The following CNR2 variants were observed in gnomAD, a reference collection of about 807,000 sequenced individuals.
CNR2 encodes cannabinoid receptor 2, also known as cannabinoid receptor 2 (macrophage).
For synonymous variants in CNR2, 172 were observed against 182.2 expected, an observed-to-expected ratio of 0.94 and a Z score of 0.45; for missense variants, 379 against 439.9, an observed-to-expected ratio of 0.86 and a Z score of 1.24.
At chr1:23,900,931 G>C (rs1557533244) in intron 1 of CNR2, among the ~76,000 whole-genome samples, 1 of 152,076 alleles carries the variant, frequency 6.6e-6, no homozygotes, top group Non-Finnish European at 1.5e-5. Context: ...TTGAGTAATA[G>C]GACACTAGAA....
chr1:23,900,216 C>T (rs1050852818), intron 1 of CNR2, among the ~76,000 whole-genome samples: 2 of 152,076 alleles, frequency 1.3e-5, no homozygotes, highest in South Asian at 4.1e-4. Context: ...CCTGTGATTT[C>T]ATCCCTGGCC....
At chr1:23,888,789 G>A (rs544289372) in intron 1 of CNR2, among the ~76,000 whole-genome samples, 26 of 152,092 alleles carry the variant, frequency 1.7e-4, no homozygotes, top group South Asian at 6.2e-4. Flanking sequence ...TGGCCAACAC[G>A]GTGAAACCCT....
chr1:23,902,788 CGCGGGCGCGGGCGCGGGG>C, intron 1 of CNR2: 4 of 1,422,706 alleles, frequency 2.8e-6, no homozygotes, highest in Non-Finnish European at 3.7e-6. Flanking sequence ...GTGTGGGCTG[CGCGGGCGCGGGCGCGGGG>C]GCGCGGTGCA....
At chr1:23,909,550 CT>C (rs1640550328) in intron 1 of CNR2, among the ~76,000 whole-genome samples, 4 of 152,130 alleles carry the variant, frequency 2.6e-5, no homozygotes, top group Non-Finnish European at 5.9e-5. Flanking sequence ...CAGGGAAGGT[CT>C]GTCAGAGATC....
intron 1 of CNR2, among the ~76,000 whole-genome samples, chr1:23,880,454 A>G (rs543580726): frequency 9.4e-4 from 143 of 152,196 alleles, no homozygotes; most frequent in Non-Finnish European, 1.2e-3. Flanking sequence ...GATTACAGGC[A>G]TGAGCCACTG....
Position 23,874,244 on chromosome 1 carries a change from G to A in CNR2, c.*291C>T, listed in dbSNP as rs559635272. 1.0e-5 allele frequency: 3 copies of A among 294,246 alleles called. No individual in the cohort carries two copies. The South Asian group carries it at 2.2e-4, about 21-fold the overall frequency. 18.2% of individuals were successfully genotyped at this position (294,246 alleles called of 1,614,324 possible). Reference sequence around the variant, plus strand: ...CTCGCTTTGGCTCCTGTGGTCTCTGGAGGATGCAGGCATGAAGCCTGACCT... The same window carrying A: ...CTCGCTTTGGCTCCTGTGGTCTCTGAAGGATGCAGGCATGAAGCCTGACCT... On this transcript the variant is annotated 3_prime_UTR_variant, in exon 2 of 2. Transcript: ENST00000374472.
intron 1 of CNR2, among the ~76,000 whole-genome samples, chr1:23,895,747 C>T (rs1640270669): frequency 6.6e-6 from 1 of 152,094 alleles, no homozygotes; most frequent in African/African-American, 2.4e-5. Context: ...TCTTGATCCG[C>T]CCTCCTCGGC....
At chr1:23,907,013 CTT>C (rs1157855946) in intron 1 of CNR2, 8 of 151,866 alleles carry the variant, frequency 5.3e-5, no homozygotes, top group African/African-American at 1.9e-4. Context: ...ATCTTTCTCT[CTT>C]CTTACCAACC....
At position 23,875,111 on chromosome 1, in the gene CNR2, G is replaced by A. The variant is rs369616011; in HGVS notation, c.507C>T (p.Leu169=). Residue 169 remains leucine, a synonymous_variant, in exon 2 of 2, where the codon CTC becomes CTT. Coordinates refer to ENST00000374472, the MANE Select transcript of CNR2 (RefSeq NM_001841.3). Reference sequence around the variant, plus strand: ...GCCTGGGACAGCAAGTCCATCCCATGAGGGGCAGGTAGGAGACTAGTGCTG... The same window carrying A: ...GCCTGGGACAGCAAGTCCATCCCATAAGGGGCAGGTAGGAGACTAGTGCTG... ...VLSALVSYLP[L]MGWTCCPRPC... is the part of the protein sequence containing the mutation. 4.4e-6 allele frequency: 7 copies of A among 1,603,844 alleles called. No individual in the cohort carries two copies. The African/African-American group carries it at 8.0e-5, about 18-fold the overall frequency.
chr1:23,907,442 G>C (rs1252812903), intron 1 of CNR2, among the ~76,000 whole-genome samples: 2 of 148,472 alleles, frequency 1.3e-5, no homozygotes, highest in African/African-American at 2.5e-5. Flanking sequence ...GAAAAAAGAA[G>C]AATCTTGAAG....
At chr1:23,892,897 T>C (rs1379409135) in intron 1 of CNR2, among the ~76,000 whole-genome samples, 2 of 151,752 alleles carry the variant, frequency 1.3e-5, no homozygotes, top group Admixed American at 6.6e-5. Flanking sequence ...GTGCCTGTAA[T>C]CCCAGCTACT....
In CNR2 at chr1:23,872,832, C is replaced by G. The variant is rs1289878576; in HGVS notation, c.*1703G>C. 6.6e-6 allele frequency: 1 copy of G among 152,042 alleles called. No homozygotes were observed. The highest frequency in any genetic ancestry group is 6.5e-5 in the Admixed American group (1 of 15,270). The allele number at this position is 152,042 out of a possible 1,614,324, so 9.4% of individuals were successfully genotyped here. A position where few individuals can be genotyped will look rare whatever the true frequency, so the allele number is the denominator to read the frequency against. On this transcript the variant is annotated 3_prime_UTR_variant, in exon 2 of 2. Coordinates refer to ENST00000374472, the MANE Select transcript of CNR2 (RefSeq NM_001841.3). ...GTTTATTGAGTTAACTCAATTAATC[C>G]CTATTACATGACATGAACCTGCATA... is the stretch of plus-strand genomic sequence containing the variant.
At chr1:23,903,755 C>T (rs1640441747) in intron 1 of CNR2, among the ~76,000 whole-genome samples, 3 of 152,096 alleles carry the variant, frequency 2.0e-5, no homozygotes, top group African/African-American at 7.2e-5. Context: ...TTAACAATAG[C>T]TAGTTGTGTA....
intron 1 of CNR2, among the ~76,000 whole-genome samples, chr1:23,905,126 G>T (rs1237278918): frequency 1.3e-5 from 2 of 151,978 alleles, no homozygotes; most frequent in Non-Finnish European, 2.9e-5. Flanking sequence ...TACTGAAATT[G>T]CACCTACTGT....
intron 1 of CNR2, among the ~76,000 whole-genome samples, chr1:23,912,603 C>G (rs934737131): frequency 2.2e-4 from 33 of 152,250 alleles, no homozygotes; most frequent in African/African-American, 8.0e-4. Flanking sequence ...CTGCATACGG[C>G]TGTTGTGAGG....
intron 1 of CNR2, among the ~76,000 whole-genome samples, chr1:23,885,948 G>C (rs1640082082): frequency 6.6e-6 from 1 of 151,312 alleles, no homozygotes; most frequent in African/African-American, 2.4e-5. Context: ...CCAGCACTCT[G>C]GGAGACCAAG....
chr1:23,883,481 C>T (rs4625225), intron 1 of CNR2, among the ~76,000 whole-genome samples: 110,610 of 152,192 alleles, frequency 0.73, 40,979 homozygotes, highest in Middle Eastern at 0.79. Flanking sequence ...TACAGCCATA[C>T]GAAGGAATAC....
intron 1 of CNR2, chr1:23,902,500 T>C: frequency 2.5e-6 from 4 of 1,607,418 alleles, no homozygotes; most frequent in Non-Finnish European, 3.4e-6. Context: ...ATCTCATCAC[T>C]GTACACGTAC....
rs116278640 is a variant in CNR2, at chr1:23,892,064, G to A, written c.-45-16402C>T. Among the ~76,000 whole-genome samples, 802 of 152,262 alleles carry A rather than the reference G, an allele frequency of 5.3e-3. 6 individuals carry two copies. Among genetic ancestry groups the A allele is most frequent in the African/African-American group, 0.018 (751 of 41,560 alleles). ...ACCACTCCAAGTCCTTGTGCCTCCT[G>A]AGCCTGACCATATTTCTCACCCTAG... On this transcript the variant is annotated intron_variant, in intron 1 of 1. Coordinates refer to ENST00000374472, the MANE Select transcript of CNR2 (RefSeq NM_001841.3).
Sources: gnomAD v4.1 joint callset for allele counts (sites outside exome capture counted in the v4.1 genomes callset) on GRCh38, gnomAD v4.1.1 for gene constraint, MANE v1.5 for transcripts, NCBI Gene and HGNC (gene_info 2026-07-23, HGNC 2026-07-21) for gene names.